The following ZNF233 variants were observed in gnomAD, a reference collection of about 807,000 sequenced individuals.
ZNF233 encodes zinc finger protein 233.
A neutral mutation model predicts 11.6 loss-of-function variants in ZNF233; 7 were observed. The observed-to-expected ratio is 0.60, with a 90% confidence interval of 0.34 to 1.13. ZNF233 has a LOEUF of 1.13. ZNF233 is among the 50% of genes most tolerant of loss of function. The probability of loss-of-function intolerance (pLI) is 0.03; values close to 1 mark genes in which losing one functional copy is unlikely to be tolerated. For missense variants in ZNF233, 711 were observed against 785.5 expected (o/e 0.91, Z 1.13); for synonymous variants, 226 against 268.5 (o/e 0.84, Z 1.55).
At position 44,264,310 on chromosome 19, in the gene ZNF233, C is replaced by T; in HGVS notation, c.-47-4C>T. ...TTTCTCATGGCTTCTTTCTCTTTTC[C>T]CAGTTCTGCCTTCCCAGGACCCTGC... On this transcript the variant is annotated splice_polypyrimidine_tract_variant and splice_region_variant and intron_variant, in intron 1 of 4. Transcript: ENST00000683810. The T allele has an allele frequency of 6.3e-7, 1 of 1,599,230 alleles. No homozygotes were observed. Among genetic ancestry groups the T allele is most frequent in the African/African-American group, 1.3e-5 (1 of 74,650 alleles).
intron 4 of ZNF233, among the ~76,000 whole-genome samples, chr19:44,272,125 G>A (rs1975251406): frequency 6.6e-6 from 1 of 151,532 alleles, no homozygotes; most frequent in South Asian, 2.1e-4. Flanking sequence ...CTCCTCCAGA[G>A]GCTGAGGCAG....
intron 4 of ZNF233, among the ~76,000 whole-genome samples, chr19:44,272,322 T>C (rs1471075778): frequency 3.4e-5 from 5 of 146,158 alleles, no homozygotes; most frequent in Non-Finnish European, 1.5e-5. Context: ...CATGGTTACA[T>C]TGTACAACCT....
intron 4 of ZNF233, chr19:44,267,995 G>C (rs1975137982): frequency 6.6e-6 from 1 of 152,120 alleles, no homozygotes; most frequent in Non-Finnish European, 1.5e-5. Context: ...GAGAGGCCAA[G>C]GTGGCAGGAT....
Position 44,273,518 on chromosome 19 carries a change from T to G in ZNF233, c.858T>G (p.His286Gln), listed in dbSNP as rs913914617. 6.2e-7 allele frequency: 1 copy of G among 1,614,080 alleles called. No individual in the cohort carries two copies. Among genetic ancestry groups the G allele is most frequent in the African/African-American group, 1.3e-5 (1 of 74,942 alleles). ...AACTACACTTAAGAGACAAGCCTCA[T>G]GTAAATGTTGAGTACGGGAAGGGCA... ...HQQLHLRDKP[H>Q]VNVEYGKGIG... The change falls in exon 5 of 5, where the codon CAT becomes CAG. Residue 286 changes from histidine (H) to glutamine (Q), a missense_variant. Coordinates refer to ENST00000683810, the MANE Select transcript of ZNF233 (RefSeq NM_001207005.2).
At chr19:44,270,504 A>G (rs1365928162) in intron 4 of ZNF233, among the ~76,000 whole-genome samples, 1 of 152,158 alleles carries the variant, frequency 6.6e-6, no homozygotes, top group Non-Finnish European at 1.5e-5. Context: ...CTGGGGAACA[A>G]GAGCGGAACT....
chr19:44,264,131 G>A (rs1349473982), intron 1 of ZNF233, among the ~76,000 whole-genome samples, 183 bp from the exon 2 acceptor site: 1 of 152,106 alleles, frequency 6.6e-6, no homozygotes, highest in Admixed American at 6.6e-5. Flanking sequence ...TTGTAGAGAT[G>A]GGGTTTCGTC....
chr19:44,274,144 T>G lies in ZNF233; in HGVS notation c.1484T>G (p.Leu495Arg). Residue 495 changes from leucine (L) to arginine (R), a missense_variant, in exon 5 of 5, where the codon CTT (leucine) becomes CGT (arginine). Leu to Arg is a moderately radical substitution (Grantham distance 102). Coordinates refer to ENST00000683810, the MANE Select transcript of ZNF233 (RefSeq NM_001207005.2). Reference protein sequence around the residue: ...CDKNFSRNSHLQAHQRVHTGE... With the variant: ...CDKNFSRNSHRQAHQRVHTGE... ...AAGAACTTCAGCCGTAATTCCCACC[T>G]TCAGGCCCATCAGAGAGTCCATACA... The G allele has an allele frequency of 6.2e-7, 1 of 1,614,008 alleles. No individual in the cohort carries two copies. Among genetic ancestry groups the G allele is most frequent in the Non-Finnish European group, 8.5e-7 (1 of 1,179,996 alleles).
intron 4 of ZNF233, chr19:44,268,062 A>G (rs964184708): frequency 1.3e-5 from 2 of 152,130 alleles, no homozygotes; most frequent in Non-Finnish European, 2.9e-5. Context: ...CCGCACCTCT[A>G]TAAAAAAATT....
chr19:44,268,738 A>T (rs1257480692), intron 4 of ZNF233, among the ~76,000 whole-genome samples: 1 of 152,250 alleles, frequency 6.6e-6, no homozygotes, highest in South Asian at 2.1e-4. Context: ...CCATACACCC[A>T]GTGACAACCT....
intron 3 of ZNF233, 96 bp from the exon 4 acceptor site, chr19:44,266,770 A>T (rs1211218170): frequency 2.4e-6 from 2 of 830,266 alleles, no homozygotes; most frequent in African/African-American, 3.4e-5. Context: ...CAATTTTGAA[A>T]AATACTACTT....
Position 44,269,972 on chromosome 19 carries a change from G to C in ZNF233, c.239-2927G>C, listed in dbSNP as rs138906548. On this transcript the variant is annotated intron_variant, in intron 4 of 4. Coordinates refer to ENST00000683810, the MANE Select transcript of ZNF233 (RefSeq NM_001207005.2). ...TGAGGTCTATTTTCACTGGACAGAA[G>C]TACAAATTAAAGGGCATCTTCTCCC... Among the ~76,000 whole-genome samples, 585 of 152,208 alleles carry C rather than the reference G, an allele frequency of 3.8e-3. 3 individuals are homozygous for C. The highest frequency in any genetic ancestry group is 0.013 in the African/African-American group (553 of 41,520).
intron 4 of ZNF233, among the ~76,000 whole-genome samples, chr19:44,272,035 G>A (rs1481997458): frequency 6.7e-6 from 1 of 149,948 alleles, no homozygotes; most frequent in Non-Finnish European, 1.5e-5. Context: ...GACCAGCCTG[G>A]CCAACATGGT....
chr19:44,266,811 A>T, intron 3 of ZNF233, 55 bp from the exon 4 acceptor site: 1 of 1,374,808 alleles, frequency 7.3e-7, no homozygotes, highest in African/African-American at 1.4e-5. Context: ...TGTTGGAATT[A>T]AAATTTTTGA....
chr19:44,268,911 C>T (rs185335796), intron 4 of ZNF233, among the ~76,000 whole-genome samples: 18 of 152,218 alleles, frequency 1.2e-4, no homozygotes, highest in South Asian at 4.1e-4. Flanking sequence ...CACCAAAACG[C>T]AAAAACTAAA....
rs765060967 is a variant in ZNF233, at chr19:44,267,123, A to G, written c.238+162A>G. 1.3e-5 allele frequency: 7 copies of G among 533,960 alleles called. No homozygotes were observed. The African/African-American group carries it at 1.3e-4, about 10-fold the overall frequency. 33.1% of individuals were successfully genotyped at this position (533,960 alleles called of 1,614,324 possible). On this transcript the variant is annotated intron_variant, in intron 4 of 4. Coordinates refer to ENST00000683810, the MANE Select transcript of ZNF233 (RefSeq NM_001207005.2). ...TCCTCCTTCTACCTCCCTCCAGTCC[A>G]TTCTCCACATAGCCAGATCATGTAA...
At chr19:44,267,250 G>C (rs1975115522) in intron 4 of ZNF233, 1 of 409,786 alleles carries the variant, frequency 2.4e-6, no homozygotes, top group Admixed American at 4.2e-5. Context: ...ATGTGACCTG[G>C]TCACCCACTC....
chr19:44,262,702 G>A (rs1056000513), intron 1 of ZNF233, among the ~76,000 whole-genome samples: 6 of 152,136 alleles, frequency 3.9e-5, no homozygotes, highest in African/African-American at 1.2e-4. Context: ...ATGCTATCTT[G>A]TATATACTCA....
rs775240022 is a variant in ZNF233 at position 44,274,268 on chromosome 19, C to T, written c.1608C>T (p.Tyr536=). 1.2e-6 allele frequency: 2 copies of T among 1,611,148 alleles called. No individual in the cohort carries two copies. The highest frequency in any genetic ancestry group is 1.7e-6 in the Non-Finnish European group (2 of 1,177,626). The change falls in exon 5 of 5, where the codon TAC becomes TAT. Residue 536 remains tyrosine, a synonymous_variant. Coordinates refer to ENST00000683810, the MANE Select transcript of ZNF233 (RefSeq NM_001207005.2). ...HQRVHKGEKP[Y]KCETCGKGFS... is the part of the protein sequence containing the mutation. ...GAGTTCACAAAGGAGAGAAGCCATACAAATGTGAGACATGTGGGAAGGGCT... is the reference window on the plus strand; with the variant it reads ...GAGTTCACAAAGGAGAGAAGCCATATAAATGTGAGACATGTGGGAAGGGCT...
At chr19:44,262,224 C>A (rs1400133176) in intron 1 of ZNF233, among the ~76,000 whole-genome samples, 1 of 152,192 alleles carries the variant, frequency 6.6e-6, no homozygotes, top group African/African-American at 2.4e-5. Context: ...ATCTCACAGG[C>A]AAAACAGATG....
Sources: gnomAD v4.1 joint callset for allele counts (sites outside exome capture counted in the v4.1 genomes callset) on GRCh38, gnomAD v4.1.1 for gene constraint, MANE v1.5 for transcripts, NCBI Gene and HGNC (gene_info 2026-07-23, HGNC 2026-07-21) for gene names.